Variants in SC5D observed in about 807,000 individuals in gnomAD.
SC5D encodes the protein lathosterol oxidase.
A neutral mutation model predicts 23.9 loss-of-function variants in SC5D; 21 were observed. That is an observed-to-expected ratio of 0.88 (90% CI 0.62 to 1.26). The LOEUF is 1.26. SC5D is among the 50% of genes most tolerant of loss of function. The pLI is 0.00. For synonymous variants in SC5D, 113 were observed against 125.9 expected, an observed-to-expected ratio of 0.90 and a Z score of 0.68; for missense variants, 309 against 364.8, an observed-to-expected ratio of 0.85 and a Z score of 1.25.
intron 1 of SC5D, among the ~76,000 whole-genome samples, chr11:121,297,378 A>T (rs1310976170): frequency 6.6e-6 from 1 of 152,224 alleles, no homozygotes; most frequent in Admixed American, 6.5e-5. Flanking sequence ...AACTCACAGA[A>T]ATGGACACAG....
At chr11:121,305,413 A>C (rs936258351) in intron 3 of SC5D, 27 of 151,928 alleles carry the variant, frequency 1.8e-4, no homozygotes, top group African/African-American at 6.3e-4. Context: ...TGCAGGCACC[A>C]GCACCCCCAC....
At chr11:121,301,908 A>G (rs894029513) in intron 1 of SC5D, among the ~76,000 whole-genome samples, 2 of 152,048 alleles carry the variant, frequency 1.3e-5, no homozygotes, top group African/African-American at 4.8e-5. Context: ...GGGAGAGAAA[A>G]ATTTGTCATC....
At chr11:121,296,713 G>T (rs1947892082) in intron 1 of SC5D, among the ~76,000 whole-genome samples, 1 of 152,128 alleles carries the variant, frequency 6.6e-6, no homozygotes, top group Non-Finnish European at 1.5e-5. Context: ...TACCTAGTGT[G>T]GTGCTTAACA....
chr11:121,303,594 T>A lies in SC5D; in HGVS notation c.210+9T>A, dbSNP rs1947941335. ...ATCCACAATTTTTAAAGGTAAGAAA[T>A]GTTTTTACCTATTTTCTAACGATTA... On this transcript the variant is annotated intron_variant, in intron 2 of 4. Coordinates refer to ENST00000264027, the MANE Select transcript of SC5D (RefSeq NM_006918.5). 1 of 1,560,898 alleles carries A rather than the reference T, an allele frequency of 6.4e-7. No homozygotes were observed. The highest frequency in any genetic ancestry group is 8.8e-7 in the Non-Finnish European group (1 of 1,132,226).
At chr11:121,301,915 C>T (rs946970811) in intron 1 of SC5D, among the ~76,000 whole-genome samples, 1 of 151,922 alleles carries the variant, frequency 6.6e-6, no homozygotes, top group Admixed American at 6.6e-5. Flanking sequence ...AAAAATTTGT[C>T]ATCATTCCAT....
rs1947928496 is a variant in SC5D, at chr11:121,301,858, G to A, written c.-10-1508G>A. ...AGATATATATTCAATTAAGAAAAAG[G>A]AACTTCATGGTGTATATAGTATGCC... On this transcript the variant is annotated intron_variant, in intron 1 of 4. Coordinates refer to ENST00000264027, the MANE Select transcript of SC5D (RefSeq NM_006918.5). Among the ~76,000 whole-genome samples the A allele has an allele frequency of 1.3e-5, 2 of 151,996 alleles. 1 individual carries two copies. Among genetic ancestry groups the A allele is most frequent in the South Asian group, 4.2e-4 (2 of 4,802 alleles).
chr11:121,300,342 A>C (rs1194341888), intron 1 of SC5D, among the ~76,000 whole-genome samples: 2 of 152,182 alleles, frequency 1.3e-5, no homozygotes, highest in Non-Finnish European at 2.9e-5. Flanking sequence ...TAAGCCTTAC[A>C]ACACAGTAAC....
At chr11:121,301,473 CAG>C (rs1947925506) in intron 1 of SC5D, among the ~76,000 whole-genome samples, 1 of 152,048 alleles carries the variant, frequency 6.6e-6, no homozygotes, top group African/African-American at 2.4e-5. Context: ...GAAATACAAA[CAG>C]AGACTTGGGG....
intron 3 of SC5D, chr11:121,306,168 G>A (rs1265153500): frequency 5.6e-6 from 3 of 533,520 alleles, no homozygotes; most frequent in Non-Finnish European, 6.7e-6. Context: ...AGTACTTTAG[G>A]TAGAACATTT....
Position 121,309,058 on chromosome 11 carries a change from A to G in SC5D, c.*1546A>G, listed in dbSNP as rs1321507665. ...ATTTCCTAATATAATGTCAGCTGATATTTATTGAGCTTTTCCTCTTTGCCC... is the reference window on the plus strand; with the variant it reads ...ATTTCCTAATATAATGTCAGCTGATGTTTATTGAGCTTTTCCTCTTTGCCC... On this transcript the variant is annotated 3_prime_UTR_variant, in exon 5 of 5. Transcript: ENST00000264027. Among the ~76,000 whole-genome samples, 2 of 152,208 alleles carry G rather than the reference A, an allele frequency of 1.3e-5. No individual in the cohort carries two copies. The highest frequency in any genetic ancestry group is 4.8e-5 in the African/African-American group (2 of 41,456).
rs1463759527 is a variant in SC5D at position 121,310,836 on chromosome 11, C to T, written c.*3324C>T. 6.6e-6 allele frequency among the ~76,000 whole-genome samples: 1 copy of T among 152,266 alleles called. No individual in the cohort carries two copies. Among genetic ancestry groups the T allele is most frequent in the East Asian group, 1.9e-4 (1 of 5,188 alleles). On this transcript the variant is annotated 3_prime_UTR_variant, in exon 5 of 5. Transcript: ENST00000264027. Reference sequence around the variant, plus strand: ...GCAGCAACTGGGGACTCAGCAGACACCAAACCAACTGGTGCTTAACCGTGA... The same window carrying T: ...GCAGCAACTGGGGACTCAGCAGACATCAAACCAACTGGTGCTTAACCGTGA...
At chr11:121,306,621 C>T (rs1193077501) in intron 4 of SC5D, 135 bp downstream of exon 4, 1 of 703,754 alleles carries the variant, frequency 1.4e-6, no homozygotes, top group Admixed American at 2.0e-5. Context: ...ATAACAGGTA[C>T]AGGGTGCATT....
rs1231345583 is a variant in SC5D, at chr11:121,308,674, G to A, written c.*1162G>A. ...ATTATAGCAGCACAAAGTATTCTTT[G>A]TACAGATTTTGTGCCAATTTGAAGC... On this transcript the variant is annotated 3_prime_UTR_variant, in exon 5 of 5. Coordinates refer to ENST00000264027, the MANE Select transcript of SC5D (RefSeq NM_006918.5). 6.6e-6 allele frequency: 1 copy of A among 152,632 alleles called. No individual in the cohort carries two copies. Among genetic ancestry groups the A allele is most frequent in the African/African-American group, 2.4e-5 (1 of 41,462 alleles). 9.5% of individuals were successfully genotyped at this position (152,632 alleles called of 1,614,324 possible).
At position 121,306,387 on chromosome 11, in the gene SC5D, A is replaced by C; in HGVS notation, c.345A>C (p.Gly115=). 6.7e-7 allele frequency: 1 copy of C among 1,488,796 alleles called. No individual in the cohort carries two copies. Among genetic ancestry groups the C allele is most frequent in the Non-Finnish European group, 9.4e-7 (1 of 1,066,846 alleles). The allele number at this position is 1,488,796 out of a possible 1,614,324, so 92.2% of individuals were successfully genotyped here. A position where few individuals can be genotyped will look rare whatever the true frequency, so the allele number is the denominator to read the frequency against. ...LHDDLGEFPY[G]LFELVVSIIS... is the part of the protein sequence containing the mutation. ...TCTGTTTCCCGTTTTCTTTTCTAGG[A>C]TTGTTTGAACTTGTCGTTAGTATAA... is the stretch of plus-strand genomic sequence containing the variant. The change falls in exon 4 of 5, where the codon GGA becomes GGC. Residue 115 remains glycine (G), a splice_region_variant and synonymous_variant. Coordinates refer to ENST00000264027, the MANE Select transcript of SC5D (RefSeq NM_006918.5).
At chr11:121,303,950 G>T (rs1031032616) in intron 2 of SC5D, 4 of 257,928 alleles carry the variant, frequency 1.6e-5, no homozygotes, top group Admixed American at 1.5e-4. Flanking sequence ...GCTAGATAGG[G>T]GATTCAAACT....
rs200792246 is a variant in SC5D, at chr11:121,303,549, C to T, written c.174C>T (p.Phe58=). 7.1e-5 allele frequency: 115 copies of T among 1,613,310 alleles called. 1 individual carries two copies. The highest frequency in any genetic ancestry group is 6.0e-4 in the Admixed American group (36 of 59,964). The change falls in exon 2 of 5, where the codon TTC becomes TTT. Residue 58 remains phenylalanine, a synonymous_variant. Coordinates refer to ENST00000264027, the MANE Select transcript of SC5D (RefSeq NM_006918.5). ...FCATLSYYFV[F]DHALMKHPQF... ...CAACACTGAGCTATTATTTTGTCTT[C>T]GATCATGCATTAATGAAACATCCAC...
chr11:121,306,069 T>C, intron 3 of SC5D: 2 of 332,850 alleles, frequency 6.0e-6, no homozygotes, highest in Non-Finnish European at 5.7e-6. Context: ...AAGATTAATA[T>C]GAAGGAAGTG....
rs144615766 is a variant in SC5D, at chr11:121,310,094, T to A, written c.*2582T>A. ...TTGGAAGAGAATTACACAAGTTCAG[T>A]TTTTTGATACATGGATTTTACAGTG... On this transcript the variant is annotated 3_prime_UTR_variant, in exon 5 of 5. Coordinates refer to ENST00000264027, the MANE Select transcript of SC5D (RefSeq NM_006918.5). 3.4e-3 allele frequency among the ~76,000 whole-genome samples: 520 copies of A among 152,228 alleles called. 3 individuals carry two copies. Among genetic ancestry groups the A allele is most frequent in the African/African-American group, 0.012 (493 of 41,536 alleles).
chr11:121,295,390 T>A (rs756343798), intron 1 of SC5D, among the ~76,000 whole-genome samples: 29 of 152,338 alleles, frequency 1.9e-4, no homozygotes, highest in Admixed American at 7.2e-4. Flanking sequence ...TTGCATTATT[T>A]TGAGTCCTTG....
Sources: allele counts gnomAD v4.1 joint callset (sites outside exome capture counted in the v4.1 genomes callset), GRCh38; gene constraint gnomAD v4.1.1; transcripts MANE v1.5; gene names NCBI Gene and HGNC (gene_info 2026-07-23, HGNC 2026-07-21).